The following SLC44A5 variants were observed in gnomAD, a reference collection of about 807,000 sequenced individuals.
The protein encoded by SLC44A5 is solute carrier family 44 member 5.
A neutral mutation model predicts 101.8 loss-of-function variants in SLC44A5; 57 were observed. That is an observed-to-expected ratio of 0.56 (90% CI 0.45 to 0.70). The LOEUF is 0.70. Ranked by LOEUF, SLC44A5 falls within the 30% of genes least tolerant of loss-of-function variation. SLC44A5 has a pLI of 0.00. For synonymous variants in SLC44A5, 281 were observed against 290.9 expected (o/e 0.97, Z 0.35); for missense variants, 737 against 853.1 (o/e 0.86, Z 1.70).
intron 3 of SLC44A5, among the ~76,000 whole-genome samples, chr1:75,346,521 A>G (rs1658269500): frequency 2.0e-5 from 3 of 152,122 alleles, no homozygotes; most frequent in African/African-American, 4.8e-5. Flanking sequence ...GGCATTTGAA[A>G]TGCACTTTTG....
At chr1:75,449,182 G>A in intron 2 of SLC44A5, among the ~76,000 whole-genome samples, 1 of 152,168 alleles carries the variant, frequency 6.6e-6, no homozygotes, top group South Asian at 2.1e-4. Context: ...TGTTGGTAAT[G>A]ATACATTTAT....
At chr1:75,416,042 G>T (rs1343848570) in intron 2 of SLC44A5, among the ~76,000 whole-genome samples, 1 of 152,198 alleles carries the variant, frequency 6.6e-6, no homozygotes, top group East Asian at 1.9e-4. Flanking sequence ...CAAGCCAGCT[G>T]CAGAAATTAG....
chr1:75,624,800 A>G, the SLC44A5 span, among the ~76,000 whole-genome samples: 1 of 152,126 alleles, frequency 6.6e-6, no homozygotes, highest in African/African-American at 2.4e-5. Context: ...AGCCATCACT[A>G]TGATGTTCCT....
At chr1:75,371,827 A>G (rs1459105433) in intron 3 of SLC44A5, among the ~76,000 whole-genome samples, 1 of 152,178 alleles carries the variant, frequency 6.6e-6, no homozygotes, top group African/African-American at 2.4e-5. Context: ...GGAACAGTTG[A>G]TTGCAATACT....
intron 2 of SLC44A5, among the ~76,000 whole-genome samples, chr1:75,427,991 G>A (rs1230378354): frequency 2.0e-5 from 3 of 152,184 alleles, no homozygotes; most frequent in African/African-American, 7.2e-5. Flanking sequence ...ATACATTAGT[G>A]TATTTAACAG....
chr1:75,537,027 A>ATATATATATATAT (rs1259131494), intron 2 of SLC44A5, among the ~76,000 whole-genome samples: 1 of 34,090 alleles, frequency 2.9e-5, no homozygotes, highest in Non-Finnish European at 9.8e-5. Context: ...AAAAAAAAAA[A>ATATATATATATAT]AAAAAAATAT....
At chr1:75,605,096 T>C (rs1245252395) in intron 1 of SLC44A5, among the ~76,000 whole-genome samples, 5 of 152,070 alleles carry the variant, frequency 3.3e-5, no homozygotes, top group Admixed American at 3.3e-4. Flanking sequence ...CTTCCTAAAA[T>C]GTCAATTTGA....
intron 22 of SLC44A5, among the ~76,000 whole-genome samples, chr1:75,213,484 A>G (rs1646898802): frequency 9.6e-6 from 1 of 103,832 alleles, no homozygotes; most frequent in Non-Finnish European, 2.0e-5. Context: ...GATAAATGAA[A>G]GAGATAATCT....
At chr1:75,330,060 C>A (rs1024371857) in intron 4 of SLC44A5, among the ~76,000 whole-genome samples, 1 of 150,842 alleles carries the variant, frequency 6.6e-6, no homozygotes, top group Non-Finnish European at 1.5e-5. Flanking sequence ...TTAAGTCTTT[C>A]CTACGCTAGA....
At chr1:75,703,458 C>G in the SLC44A5 span, among the ~76,000 whole-genome samples, 2 of 145,356 alleles carry the variant, frequency 1.4e-5, no homozygotes, top group Admixed American at 1.4e-4. Context: ...GGGAATTGAA[C>G]AATAAGAACA....
chr1:75,561,445 G>A (rs540752007), intron 1 of SLC44A5, among the ~76,000 whole-genome samples: 1 of 152,128 alleles, frequency 6.6e-6, no homozygotes, highest in Non-Finnish European at 1.5e-5. Context: ...CTTCCCAGAG[G>A]AGTACAAGTA....
chr1:75,534,606 C>T (rs1479252326), intron 2 of SLC44A5, among the ~76,000 whole-genome samples: 1 of 152,184 alleles, frequency 6.6e-6, no homozygotes, highest in Non-Finnish European at 1.5e-5. Flanking sequence ...TGTGTCATGA[C>T]TGGAAATAGA....
intron 3 of SLC44A5, among the ~76,000 whole-genome samples, chr1:75,392,932 A>G (rs1163043072): frequency 2.6e-5 from 4 of 152,192 alleles, no homozygotes; most frequent in Non-Finnish European, 4.4e-5. Context: ...ATTTTCCCGT[A>G]TAAGTGGGAG....
At position 75,219,254 on chromosome 1, in the gene SLC44A5, T is replaced by C. The variant is rs1647026398; in HGVS notation, c.1266+3A>G. 5 of 1,591,920 alleles carry C rather than the reference T, an allele frequency of 3.1e-6. No individual in the cohort carries two copies. The highest frequency in any genetic ancestry group is 4.3e-6 in the Non-Finnish European group (5 of 1,159,982). ...AGTAAATGAAAGAGTTTCTTGTACT[T>C]ACCTCTGGGTCACAGGTTTGATTTT... On this transcript the variant is annotated splice_donor_region_variant and intron_variant, in intron 16 of 23. Coordinates refer to ENST00000370859, the MANE Select transcript of SLC44A5 (RefSeq NM_001130058.2).
At chr1:75,578,958 A>C (rs1380294831) in intron 1 of SLC44A5, among the ~76,000 whole-genome samples, 1 of 152,196 alleles carries the variant, frequency 6.6e-6, no homozygotes, top group Non-Finnish European at 1.5e-5. Context: ...AAATATGAAA[A>C]TATTAGCATA....
chr1:75,332,270 G>A (rs1485259575), intron 4 of SLC44A5, among the ~76,000 whole-genome samples: 1 of 152,120 alleles, frequency 6.6e-6, no homozygotes, highest in Non-Finnish European at 1.5e-5. Context: ...CATGTAGGAA[G>A]CCCACTGATA....
intron 2 of SLC44A5, among the ~76,000 whole-genome samples, chr1:75,434,765 A>G (rs1353445893): frequency 6.6e-6 from 1 of 151,978 alleles, no homozygotes; most frequent in African/African-American, 2.4e-5. Flanking sequence ...TACTCCATCC[A>G]TGGTTTGGTG....
intron 4 of SLC44A5, chr1:75,311,516 T>A: frequency 1.0e-6 from 1 of 980,714 alleles, no homozygotes; most frequent in Non-Finnish European, 1.2e-6. Context: ...GCACTACAAT[T>A]CAACTTACAT....
rs564002963 is a variant in SLC44A5, at chr1:75,512,126, G to A, written c.13+29309C>T. Among the ~76,000 whole-genome samples the A allele has an allele frequency of 9.9e-4, 150 of 152,244 alleles. 1 individual carries two copies. The highest frequency in any genetic ancestry group is 3.2e-3 in the African/African-American group (134 of 41,548). ...CACAGCCCACGTAAAAAATAAAAGC[G>A]TTGAGATACGGATTTCTCCCTAAAT... is the stretch of plus-strand genomic sequence containing the variant. On this transcript the variant is annotated intron_variant, in intron 2 of 23. Coordinates refer to ENST00000370859, the MANE Select transcript of SLC44A5 (RefSeq NM_001130058.2).
Sources: gnomAD v4.1 joint callset for allele counts (sites outside exome capture counted in the v4.1 genomes callset) on GRCh38, gnomAD v4.1.1 for gene constraint, MANE v1.5 for transcripts, NCBI Gene and HGNC (gene_info 2026-07-23, HGNC 2026-07-21) for gene names.